MAP2K3: variants seen among roughly 807,000 people sequenced by gnomAD.
MAP2K3 encodes the protein dual specificity mitogen-activated protein kinase kinase 3.
MAP2K3 carries 30 observed loss-of-function variants against 46.4 expected under a neutral mutation model. That is an observed-to-expected ratio of 0.65 (90% CI 0.48 to 0.88). The LOEUF (loss-of-function observed/expected upper bound fraction) is 0.88. Among genes scored for constraint, MAP2K3 ranks in the 40% least tolerant of loss-of-function variants. The pLI is 0.00. For synonymous variants in MAP2K3, 189 were observed against 176.3 expected (o/e 1.07, Z -0.57); for missense variants, 380 against 464.5 (o/e 0.82, Z 1.67).
chr17:21,296,352 G>C, intron 1 of MAP2K3: 2 of 463,720 alleles, frequency 4.3e-6, no homozygotes, highest in South Asian at 3.8e-5. Context: ...CAGAGACTTT[G>C]GCCCAGAGGC....
intron 9 of MAP2K3, among the ~76,000 whole-genome samples, chr17:21,308,016 T>C (rs1976983681): frequency 6.6e-6 from 1 of 150,776 alleles, no homozygotes; most frequent in African/African-American, 2.4e-5. Context: ...CCACCACACC[T>C]GGCAAATTTT....
In MAP2K3 at chr17:21,312,265, G is replaced by A; in HGVS notation, c.898G>A (p.Asp300Asn). The change falls in exon 10 of 12, where the codon GAC (aspartate) becomes AAC (asparagine). Residue 300 changes from aspartate (D) to asparagine (N), a missense_variant. Transcript: ENST00000342679. ...CGACCGTTTCTCCCCCGAGTTTGTG[G>A]ACTTCACTGCTCAGTGGTGAGTCTT... is the stretch of plus-strand genomic sequence containing the variant. ...PADRFSPEFVDFTAQCLRKNP... is the reference protein window; with the variant it reads ...PADRFSPEFVNFTAQCLRKNP... 1 of 1,601,972 alleles carries A rather than the reference G, an allele frequency of 6.2e-7. No homozygotes were observed. Among genetic ancestry groups the A allele is most frequent in the Non-Finnish European group, 8.5e-7 (1 of 1,175,950 alleles).
At position 21,284,795 on chromosome 17, in the gene MAP2K3, C is replaced by CAGT. The variant is rs1020161563; in HGVS notation, c.-126_-125insAGT. On this transcript the variant is annotated 5_prime_UTR_variant, in exon 1 of 12. Transcript: ENST00000342679. ...CTCGCCGCAGTCGCCGCCGCCGCCG[C>CAGT]CGCCGCCGCCGCTGCTCCTCCGCCT... The CAGT allele has an allele frequency of 2.8e-5, 32 of 1,140,364 alleles. No individual in the cohort carries two copies. The highest frequency in any genetic ancestry group is 3.3e-5 in the African/African-American group (2 of 60,292). The allele number at this position is 1,140,364 out of a possible 1,614,324, so 70.6% of individuals were successfully genotyped here.
In MAP2K3 at chr17:21,300,660, T is replaced by C; in HGVS notation, c.279+2T>C. 1 of 1,607,932 alleles carries C rather than the reference T, an allele frequency of 6.2e-7. No homozygotes were observed. On this transcript the variant is annotated splice_donor_variant, in intron 4 of 11. Coordinates refer to ENST00000342679, the MANE Select transcript of MAP2K3 (RefSeq NM_145109.3). LOFTEE classifies it high-confidence loss of function. Reference sequence around the variant, plus strand: ...AGCGGCACCATCATGGCCGTGAAGGTGAGCAGGGCCTGGAGGCAGCTGGGA... The same window carrying C: ...AGCGGCACCATCATGGCCGTGAAGGCGAGCAGGGCCTGGAGGCAGCTGGGA...
intron 9 of MAP2K3, among the ~76,000 whole-genome samples, chr17:21,306,752 T>C (rs1238277710): frequency 6.6e-6 from 1 of 152,224 alleles, no homozygotes; most frequent in African/African-American, 2.4e-5. Flanking sequence ...CAAAGTGCTG[T>C]GATTACAGGC....
intron 6 of MAP2K3, 128 bp from the exon 7 acceptor site, chr17:21,303,055 G>A: frequency 1.6e-6 from 2 of 1,222,348 alleles, no homozygotes; most frequent in South Asian, 1.4e-5. Context: ...GGGATGAGAG[G>A]GTGCGTAGCC....
In MAP2K3 at chr17:21,298,928, T is replaced by G; in HGVS notation, c.165+2T>G. ...ACCTTCATCACCATTGGAGACAGAGTAGGTGCCAGCCGCCACCCCTGCAGG... is the reference window on the plus strand; with the variant it reads ...ACCTTCATCACCATTGGAGACAGAGGAGGTGCCAGCCGCCACCCCTGCAGG... On this transcript the variant is annotated splice_donor_variant, in intron 3 of 11. Transcript: ENST00000342679. LOFTEE classifies it high-confidence loss of function. 6.2e-7 allele frequency: 1 copy of G among 1,614,254 alleles called. No homozygotes were observed. Among genetic ancestry groups the G allele is most frequent in the Non-Finnish European group, 8.5e-7 (1 of 1,180,054 alleles).
chr17:21,303,621 C>G (rs1314729680), intron 7 of MAP2K3, among the ~76,000 whole-genome samples: 3 of 152,430 alleles, frequency 2.0e-5, no homozygotes, highest in Non-Finnish European at 2.9e-5. Context: ...CTGCCATCCC[C>G]CATGTGCCTA....
chr17:21,285,012 A>T, intron 1 of MAP2K3, 43 bp downstream of exon 1: 1 of 1,590,336 alleles, frequency 6.3e-7, no homozygotes. Flanking sequence ...CCCGCGCCTA[A>T]TCTGGGGCCG....
At chr17:21,302,512 A>G (rs2144594988) in intron 6 of MAP2K3, among the ~76,000 whole-genome samples, 1 of 152,426 alleles carries the variant, frequency 6.6e-6, no homozygotes, top group East Asian at 1.9e-4. Flanking sequence ...TGTCTGAGCC[A>G]TTGATTCCAA....
At chr17:21,298,258 A>G (rs1976374676) in intron 1 of MAP2K3, 155 bp from the exon 2 acceptor site, 1 of 1,089,152 alleles carries the variant, frequency 9.2e-7, no homozygotes. Flanking sequence ...TCCCCCTTTG[A>G]AGGCCTAACG....
At chr17:21,304,706 C>A (rs578030881) in intron 8 of MAP2K3, among the ~76,000 whole-genome samples, 153 bp downstream of exon 8, 2 of 152,426 alleles carry the variant, frequency 1.3e-5, no homozygotes, top group South Asian at 4.1e-4. Flanking sequence ...TGTCTTGCTG[C>A]CCAGGGGCAG....
intron 1 of MAP2K3, 81 bp downstream of exon 1, chr17:21,285,050 C>T (rs1567654443): frequency 1.3e-6 from 2 of 1,518,136 alleles, no homozygotes; most frequent in Non-Finnish European, 8.9e-7. Context: ...TTTCTTTGGT[C>T]CCACCCCATC....
chr17:21,300,914 T>G lies in MAP2K3; in HGVS notation c.320T>G (p.Leu107Arg), dbSNP rs751101797. 5.0e-5 allele frequency: 80 copies of G among 1,614,146 alleles called. No individual in the cohort carries two copies. In the African/African-American group the frequency reaches 9.9e-4, roughly 20 times the overall value. ...ATVNSQEQKR[L>R]LMDLDINMRT... ...GTGAACTCACAGGAGCAGAAGCGGC[T>G]GCTCATGGACCTGGACATCAACATG... Residue 107 changes from leucine (L) to arginine (R), a missense_variant, in exon 5 of 12, where the codon CTG becomes CGG. Physicochemically the swap from Leu to Arg is moderately radical, Grantham distance 102 (BLOSUM62 -2). Transcript: ENST00000342679.
At chr17:21,289,534 C>T (rs1975823379) in intron 1 of MAP2K3, among the ~76,000 whole-genome samples, 3 of 152,168 alleles carry the variant, frequency 2.0e-5, no homozygotes, top group Admixed American at 6.5e-5. Flanking sequence ...ATGGAGGACA[C>T]AGCATTGTGG....
chr17:21,293,142 A>G (rs1481366255), intron 1 of MAP2K3, among the ~76,000 whole-genome samples: 3 of 152,304 alleles, frequency 2.0e-5, no homozygotes, highest in Non-Finnish European at 4.4e-5. Flanking sequence ...GAATTTCTGG[A>G]TGCAGAAGAA....
intron 1 of MAP2K3, chr17:21,285,244 G>T (rs1975692726): frequency 8.1e-6 from 8 of 985,314 alleles, no homozygotes; most frequent in Non-Finnish European, 9.6e-6. Context: ...TCCAAGTCAG[G>T]AGCCTCATTC....
At chr17:21,309,054 G>C (rs1277896997) in intron 9 of MAP2K3, among the ~76,000 whole-genome samples, 1 of 152,312 alleles carries the variant, frequency 6.6e-6, no homozygotes, top group African/African-American at 2.4e-5. Flanking sequence ...GATTGGCTGG[G>C]GTCATGGCTG....
chr17:21,307,309 G>T (rs1228295293), intron 9 of MAP2K3, among the ~76,000 whole-genome samples: 3 of 152,308 alleles, frequency 2.0e-5, no homozygotes, highest in African/African-American at 7.2e-5. Context: ...AGGGTTTTAG[G>T]AGCTCCATGC....
Sources: gnomAD v4.1 joint callset for allele counts (sites outside exome capture counted in the v4.1 genomes callset) on GRCh38, gnomAD v4.1.1 for gene constraint, MANE v1.5 for transcripts, NCBI Gene and HGNC (gene_info 2026-07-23, HGNC 2026-07-21) for gene names.